Variants in RYR2 observed in about 807,000 individuals in gnomAD.
RYR2 encodes cardiac muscle ryanodine receptor-calcium release channel.
RYR2 carries 227 observed loss-of-function variants against 601.1 expected under a neutral mutation model. The ratio of observed to expected loss-of-function variants is 0.38; its 90% CI spans 0.34 to 0.42. RYR2 has a LOEUF of 0.42. Among genes scored for constraint, RYR2 ranks in the 10% least tolerant of loss-of-function variants. The pLI, the probability that RYR2 is intolerant of heterozygous loss-of-function variation, is 1.00. For synonymous variants in RYR2, 2,223 were observed against 2,175.1 expected (o/e 1.02, Z -0.61); for missense variants, 4,646 against 6,156.5 (o/e 0.75, Z 8.21).
At position 237,650,839 on chromosome 1, in the gene RYR2, C is replaced by A. The variant is rs1314639827; in HGVS notation, c.7734-572C>A. Among the ~76,000 whole-genome samples the A allele has an allele frequency of 2.6e-5, 4 of 152,194 alleles. No homozygotes were observed. In the East Asian group the frequency reaches 7.7e-4, roughly 29 times the overall value. On this transcript the variant is annotated intron_variant, in intron 50 of 104. Coordinates refer to ENST00000366574, the MANE Select transcript of RYR2 (RefSeq NM_001035.3). The stretch of plus-strand genomic sequence containing the variant: ...GAAGTGGAAAATCAGAAGAGTAATT[C>A]TTTAACTTCCCTAATCTAAGATTCT...
chr1:237,700,190 C>G, intron 64 of RYR2, 39 bp from the exon 65 acceptor site: 2 of 1,148,132 alleles, frequency 1.7e-6, no homozygotes, highest in South Asian at 2.8e-5. Flanking sequence ...TCATTTGTTC[C>G]TGTTGGAAGA....
At chr1:237,509,257 C>A (rs972672241) in intron 23 of RYR2, among the ~76,000 whole-genome samples, 2 of 152,148 alleles carry the variant, frequency 1.3e-5, no homozygotes, top group African/African-American at 4.8e-5. Context: ...GTATGATTTG[C>A]AGTCTGCTTC....
intron 23 of RYR2, among the ~76,000 whole-genome samples, chr1:237,508,459 TA>T (rs34859942): frequency 6.0e-4 from 85 of 141,150 alleles, no homozygotes; most frequent in African/African-American, 8.5e-4. Flanking sequence ...AAGTTCCCAT[TA>T]AAAAAAAAAA....
At chr1:237,338,133 G>A (rs1316771005) in intron 3 of RYR2, among the ~76,000 whole-genome samples, 1 of 152,172 alleles carries the variant, frequency 6.6e-6, no homozygotes, top group African/African-American at 2.4e-5. Context: ...GTGCCATTAT[G>A]TGGGCTACCC....
intron 81 of RYR2, among the ~76,000 whole-genome samples, 193 bp downstream of exon 81, chr1:237,756,580 G>A (rs1692974563): frequency 6.6e-6 from 1 of 151,672 alleles, no homozygotes; most frequent in Admixed American, 6.6e-5. Context: ...TTTTTTCAGA[G>A]TCTTACTATA....
intron 16 of RYR2, among the ~76,000 whole-genome samples, chr1:237,464,570 A>G (rs1659851626): frequency 6.6e-6 from 1 of 152,092 alleles, no homozygotes. Context: ...CAGTCCCACT[A>G]ATATCAATCT....
intron 1 of RYR2, among the ~76,000 whole-genome samples, chr1:237,086,681 T>A (rs1444158350): frequency 6.6e-6 from 1 of 152,130 alleles, no homozygotes; most frequent in Non-Finnish European, 1.5e-5. Context: ...ATATCATGGG[T>A]ACCCTGTGCA....
intron 1 of RYR2, among the ~76,000 whole-genome samples, chr1:237,136,697 A>G (rs527720736): frequency 3.9e-5 from 6 of 152,268 alleles, no homozygotes; most frequent in Admixed American, 3.3e-4. Flanking sequence ...TAGTACATCA[A>G]CAGTTATAGG....
At chr1:237,508,740 T>C (rs1203173337) in intron 23 of RYR2, among the ~76,000 whole-genome samples, 3 of 130,102 alleles carry the variant, frequency 2.3e-5, no homozygotes, top group Non-Finnish European at 3.3e-5. Flanking sequence ...TTTTCTTTTT[T>C]TTTTTTTTTT....
At chr1:237,301,208 A>G (rs1487501522) in intron 2 of RYR2, among the ~76,000 whole-genome samples, 2 of 152,190 alleles carry the variant, frequency 1.3e-5, no homozygotes, top group Admixed American at 6.6e-5. Context: ...AGAGACTGAA[A>G]AAAAACTCTA....
At chr1:237,446,765 G>A (rs1256835256) in intron 14 of RYR2, among the ~76,000 whole-genome samples, 1 of 152,070 alleles carries the variant, frequency 6.6e-6, no homozygotes, top group Non-Finnish European at 1.5e-5. Context: ...CTCATCAGAT[G>A]CAGTAAAGCT....
chr1:237,784,078 A>G lies in RYR2; in HGVS notation c.12366A>G (p.Ala4122=), dbSNP rs373185648. 9 of 1,613,902 alleles carry G rather than the reference A, an allele frequency of 5.6e-6. No homozygotes were observed. The highest frequency in any genetic ancestry group is 4.5e-5 in the East Asian group (2 of 44,896). ...DTRLQTFLEL[A]ESVLNYFQPF... Reference sequence around the variant, plus strand: ...GACTTCAGACTTTTCTGGAATTAGCAGAGAGCGTCCTGAATTATTTCCAGC... The same window carrying G: ...GACTTCAGACTTTTCTGGAATTAGCGGAGAGCGTCCTGAATTATTTCCAGC... Residue 4122 remains alanine, a synonymous_variant, in exon 90 of 105, where the codon GCA becomes GCG. Transcript: ENST00000366574. This position sits in a 1 kb window ranked among gnomAD's most constrained non-coding sequence, Gnocchi z 7.1.
At chr1:237,569,898 G>A (rs766436932) in intron 29 of RYR2, among the ~76,000 whole-genome samples, 2 of 152,162 alleles carry the variant, frequency 1.3e-5, no homozygotes, top group East Asian at 1.9e-4. Flanking sequence ...GTGGGGCCCC[G>A]AGATGGCCTT....
At chr1:237,341,017 T>C (rs1254075820) in intron 3 of RYR2, among the ~76,000 whole-genome samples, 1 of 152,222 alleles carries the variant, frequency 6.6e-6, no homozygotes, top group African/African-American at 2.4e-5. Flanking sequence ...TATTTCTAAG[T>C]ATTTGAATGA....
At chr1:237,698,402 A>AT (rs796685825) in intron 63 of RYR2, among the ~76,000 whole-genome samples, 71 of 149,722 alleles carry the variant, frequency 4.7e-4, no homozygotes, top group Middle Eastern at 3.4e-3. Context: ...TTAGTGTCTG[A>AT]TTTTTTTTTT....
intron 25 of RYR2, among the ~76,000 whole-genome samples, chr1:237,534,551 C>T (rs975004554): frequency 6.6e-6 from 1 of 151,996 alleles, no homozygotes. Context: ...TCGTAAAGAT[C>T]ATATCCACTG....
rs910818558 is a variant in RYR2 at position 237,822,069 on chromosome 1, C to T, written c.14590+2877C>T. ...GTTTGATTGGTGTACCTGAAAGTGACGGGAGAATGGAACCAAGTTGGAAAA... is the reference window on the plus strand; with the variant it reads ...GTTTGATTGGTGTACCTGAAAGTGATGGGAGAATGGAACCAAGTTGGAAAA... On this transcript the variant is annotated intron_variant, in intron 101 of 104. Coordinates refer to ENST00000366574, the MANE Select transcript of RYR2 (RefSeq NM_001035.3). 3.9e-5 allele frequency among the ~76,000 whole-genome samples: 6 copies of T among 151,958 alleles called. 1 individual carries two copies. The highest frequency in any genetic ancestry group is 4.1e-4 in the South Asian group (2 of 4,822).
chr1:237,780,898 G>A (rs1286035690), intron 88 of RYR2, among the ~76,000 whole-genome samples: 1 of 152,090 alleles, frequency 6.6e-6, no homozygotes, highest in Admixed American at 6.5e-5. Context: ...GAAGAAGTTA[G>A]AAAGTTAGAA....
chr1:237,661,014 T>C, intron 56 of RYR2, 67 bp downstream of exon 56: 2 of 1,235,254 alleles, frequency 1.6e-6, no homozygotes, highest in Non-Finnish European at 2.1e-6. Flanking sequence ...TTAAATTTAA[T>C]TATTGAGTTT....
Sources: gnomAD v4.1 joint callset for allele counts (sites outside exome capture counted in the v4.1 genomes callset) on GRCh38, gnomAD v4.1.1 for gene constraint, Gnocchi (gnomAD v3.1) non-coding constraint, MANE v1.5 for transcripts, NCBI Gene and HGNC (gene_info 2026-07-23, HGNC 2026-07-21) for gene names.